Variants in SHB observed in about 807,000 individuals in gnomAD.
SHB encodes the protein SH2 domain containing adaptor protein B, also known as SH2 domain-containing adapter protein B.
A neutral mutation model predicts 52.3 loss-of-function variants in SHB; 20 were observed. That is an observed-to-expected ratio of 0.38 (90% CI 0.27 to 0.56). SHB has a LOEUF of 0.56. Among genes scored for constraint, SHB ranks in the 20% least tolerant of loss-of-function variants. The probability of loss-of-function intolerance (pLI) is 0.71; values close to 1 mark genes in which losing one functional copy is unlikely to be tolerated. For missense variants in SHB, 825 were observed against 723.3 expected (o/e 1.14, Z -1.61); for synonymous variants, 397 against 316.5 (o/e 1.25, Z -2.70).
At chr9:38,007,030 T>C (rs577844737) in intron 2 of SHB, among the ~76,000 whole-genome samples, 3 of 152,330 alleles carry the variant, frequency 2.0e-5, no homozygotes, top group African/African-American at 7.2e-5. Context: ...GGTAGGCTAC[T>C]GCCACCTTGG....
chr9:38,035,539 T>C (rs1343186285), intron 1 of SHB, among the ~76,000 whole-genome samples: 2 of 152,116 alleles, frequency 1.3e-5, no homozygotes, highest in Non-Finnish European at 2.9e-5. Flanking sequence ...CTCCACCTCT[T>C]TCCCCAGTGG....
At chr9:37,937,493 A>G (rs1369897760) in intron 5 of SHB, among the ~76,000 whole-genome samples, 10 of 152,122 alleles carry the variant, frequency 6.6e-5, no homozygotes, top group Admixed American at 2.6e-4. Context: ...AAGCATTATT[A>G]AAAGTGGCAA....
At chr9:37,961,761 G>A (rs1253659968) in intron 3 of SHB, among the ~76,000 whole-genome samples, 1 of 152,206 alleles carries the variant, frequency 6.6e-6, no homozygotes, top group African/African-American at 2.4e-5. Context: ...TTTTGCTCTA[G>A]ACCCCCAGGT....
intron 3 of SHB, among the ~76,000 whole-genome samples, chr9:37,971,106 C>T (rs1019208056): frequency 6.6e-6 from 1 of 152,130 alleles, no homozygotes; most frequent in African/African-American, 2.4e-5. Flanking sequence ...CTGCACAGGG[C>T]ATTTCTGACA....
At chr9:37,964,722 A>G (rs1832729905) in intron 3 of SHB, among the ~76,000 whole-genome samples, 2 of 152,174 alleles carry the variant, frequency 1.3e-5, no homozygotes, top group African/African-American at 4.8e-5. Context: ...ATACAGTCTC[A>G]AAAACAACCA....
intron 2 of SHB, among the ~76,000 whole-genome samples, chr9:37,993,045 C>T (rs970586705): frequency 6.6e-5 from 10 of 152,162 alleles, no homozygotes; most frequent in African/African-American, 4.8e-5. Context: ...CAGGAGTTAG[C>T]GGCAGGCGAG....
chr9:38,068,405 T>C lies in SHB; in HGVS notation c.241A>G (p.Ile81Val). Residue 81 changes from isoleucine (I) to valine (V), a missense_variant, in exon 1 of 6, where the codon ATC (isoleucine) becomes GTC (valine). Transcript: ENST00000377707. ...TCCTTCTGCGCGCGGTAGGCGCGGATGAGGTCGCTGGTGCTGCCGCTGTCG... is the reference window on the plus strand; with the variant it reads ...TCCTTCTGCGCGCGGTAGGCGCGGACGAGGTCGCTGGTGCTGCCGCTGTCG... ...PDDSGSTSDL[I>V]RAYRAQKERD... 2 of 1,573,934 alleles carry C rather than the reference T, an allele frequency of 1.3e-6. No homozygotes were observed. Among genetic ancestry groups the C allele is most frequent in the South Asian group, 1.2e-5 (1 of 86,120 alleles).
chr9:37,979,530 G>C (rs1042808929), intron 2 of SHB, among the ~76,000 whole-genome samples: 1 of 151,826 alleles, frequency 6.6e-6, no homozygotes, highest in African/African-American at 2.4e-5. Context: ...CAGTAATCCT[G>C]AGAGGATGTG....
Position 37,956,043 on chromosome 9 carries a change from C to T in SHB, c.1066G>A (p.Gly356Ser). 1.3e-6 allele frequency: 2 copies of T among 1,562,494 alleles called. No individual in the cohort carries two copies. Among genetic ancestry groups the T allele is most frequent in the Non-Finnish European group, 1.7e-6 (2 of 1,152,734 alleles). The change falls in exon 4 of 6, where the codon GGC (glycine) becomes AGC (serine). Residue 356 changes from glycine (G) to serine (S), a missense_variant. Transcript: ENST00000377707. ...TIPALAAQFN[G>S]NEKRQSSPSP... ...GGGGATGACTGCCGCTTCTCGTTGC[C>T]ATTAAACTGTGCTGTGGGGAGAGAG...
At chr9:37,958,053 G>A (rs903430556) in intron 3 of SHB, among the ~76,000 whole-genome samples, 5 of 152,186 alleles carry the variant, frequency 3.3e-5, no homozygotes, top group Admixed American at 6.5e-5. Context: ...CTGACTGGGC[G>A]CTTCCTTACA....
intron 1 of SHB, 85 bp downstream of exon 1, chr9:38,067,844 C>T: frequency 7.4e-7 from 1 of 1,352,230 alleles, no homozygotes; most frequent in Non-Finnish European, 9.6e-7. Context: ...GAAGTAGAGA[C>T]TCAACACCAG....
intron 2 of SHB, among the ~76,000 whole-genome samples, chr9:37,989,260 T>G (rs1820850843): frequency 6.6e-6 from 1 of 152,122 alleles, no homozygotes; most frequent in Non-Finnish European, 1.5e-5. Context: ...CAATTCAAAG[T>G]CAAGTCTATG....
rs375649318 is a variant in SHB at position 38,059,810 on chromosome 9, G to A, written c.717+8119C>T. ...ACAGCAGGTACTGGCCACCAGCTCT[G>A]CCTCTGCTGTGAGGCAGGGAAGAAT... On this transcript the variant is annotated intron_variant, in intron 1 of 5. Coordinates refer to ENST00000377707, the MANE Select transcript of SHB (RefSeq NM_003028.3). Among the ~76,000 whole-genome samples, 230 of 152,326 alleles carry A rather than the reference G, an allele frequency of 1.5e-3. 7 individuals are homozygous for A. In the South Asian group the frequency reaches 0.045, roughly 30 times the overall value.
intron 3 of SHB, among the ~76,000 whole-genome samples, chr9:37,964,060 A>T (rs1832722643): frequency 6.6e-6 from 1 of 152,208 alleles, no homozygotes; most frequent in Admixed American, 6.5e-5. Context: ...CTGCCCAGTG[A>T]GTGTAGGTTC....
intron 1 of SHB, among the ~76,000 whole-genome samples, chr9:38,052,474 G>A (rs1821763935): frequency 6.6e-6 from 1 of 152,230 alleles, no homozygotes; most frequent in Non-Finnish European, 1.5e-5. Context: ...GCTATTGACA[G>A]AAAAATCTAT....
At chr9:37,975,215 G>A (rs1191831804) in intron 2 of SHB, among the ~76,000 whole-genome samples, 1 of 152,122 alleles carries the variant, frequency 6.6e-6, no homozygotes, top group African/African-American at 2.4e-5. Context: ...TTTCCCTCTA[G>A]GGCAGTTCCT....
At chr9:38,052,141 G>A (rs1821758980) in intron 1 of SHB, among the ~76,000 whole-genome samples, 1 of 152,186 alleles carries the variant, frequency 6.6e-6, no homozygotes, top group Non-Finnish European at 1.5e-5. Flanking sequence ...GCTGCCATCA[G>A]ATGGGAGAGC....
At chr9:37,930,311 C>T (rs372828858) in intron 5 of SHB, among the ~76,000 whole-genome samples, 35 of 152,250 alleles carry the variant, frequency 2.3e-4, no homozygotes, top group South Asian at 8.3e-4. Flanking sequence ...GCTCTCTTTC[C>T]GCAATACAGC....
intron 2 of SHB, among the ~76,000 whole-genome samples, chr9:38,011,689 C>T (rs1026145903): frequency 2.0e-5 from 3 of 152,206 alleles, no homozygotes; most frequent in Non-Finnish European, 2.9e-5. Context: ...CTTGCCTCTG[C>T]TCTGATACCT....
Sources: gnomAD v4.1 joint callset for allele counts (sites outside exome capture counted in the v4.1 genomes callset) on GRCh38, gnomAD v4.1.1 for gene constraint, MANE v1.5 for transcripts, NCBI Gene and HGNC (gene_info 2026-07-23, HGNC 2026-07-21) for gene names.